Variants in ATP8B3 observed in about 807,000 individuals in gnomAD.
ATP8B3 encodes the protein ATPase phospholipid transporting 8B3.
ATP8B3 carries 141 observed loss-of-function variants against 140.9 expected under a neutral mutation model. That is an observed-to-expected ratio of 1.00 (90% CI 0.87 to 1.15). The LOEUF (loss-of-function observed/expected upper bound fraction) is 1.15, where lower values mean the gene tolerates loss of function less well. Ranked by LOEUF, ATP8B3 falls within the 50% of genes most tolerant of loss-of-function variation. The probability of loss-of-function intolerance (pLI) is 0.00; values close to 1 mark genes in which losing one functional copy is unlikely to be tolerated. For synonymous variants in ATP8B3, 765 were observed against 714.6 expected (o/e 1.07, Z -1.13); for missense variants, 1,874 against 1,740.6 (o/e 1.08, Z -1.36).
rs550600506 is a variant in ATP8B3 at position 1,806,781 on chromosome 19, C to T, written c.616-92G>A. On this transcript the variant is annotated intron_variant, in intron 6 of 28. Coordinates refer to ENST00000310127, the MANE Select transcript of ATP8B3 (RefSeq NM_138813.4). The surrounding 1 kb of genome is among the most constrained non-coding windows in gnomAD (Gnocchi z 5.6). Reference sequence around the variant, plus strand: ...GCACTGCAGCCCAGCAGTGCCCGCCCGCAACACGGGGTCCCTGTCCGCTGG... The same window carrying T: ...GCACTGCAGCCCAGCAGTGCCCGCCTGCAACACGGGGTCCCTGTCCGCTGG... 2.0e-5 allele frequency: 28 copies of T among 1,380,320 alleles called. No individual in the cohort carries two copies. The African/African-American group carries it at 2.3e-4, about 11-fold the overall frequency. 85.5% of individuals were successfully genotyped at this position (1,380,320 alleles called of 1,614,324 possible).
chr19:1,798,958 CAT>C (rs1452746464), intron 14 of ATP8B3: 2 of 151,686 alleles, frequency 1.3e-5, no homozygotes, highest in Admixed American at 1.3e-4. Context: ...GCCTGGGCAA[CAT>C]AGGGATTCCC....
chr19:1,784,760 T>A, intron 28 of ATP8B3, 59 bp downstream of exon 28: 2 of 1,524,540 alleles, frequency 1.3e-6, no homozygotes, highest in Non-Finnish European at 1.8e-6. Flanking sequence ...CCTGCACGGC[T>A]CCCCAACCAG....
chr19:1,810,269 T>C (rs1191587777), intron 3 of ATP8B3, among the ~76,000 whole-genome samples: 1 of 152,176 alleles, frequency 6.6e-6, no homozygotes, highest in Admixed American at 6.5e-5. Flanking sequence ...ACTTTTTTCT[T>C]TTTTTTGAGA....
Position 1,806,257 on chromosome 19 carries a change from C to G in ATP8B3, c.678-88G>C, listed in dbSNP as rs1209690539. 3.3e-6 allele frequency: 5 copies of G among 1,528,122 alleles called. No individual in the cohort carries two copies. The highest frequency in any genetic ancestry group is 1.4e-5 in the African/African-American group (1 of 72,632). The allele number at this position is 1,528,122 out of a possible 1,614,324, so 94.7% of individuals were successfully genotyped here. On this transcript the variant is annotated intron_variant, in intron 7 of 28. Transcript: ENST00000310127. This position sits in a 1 kb window ranked among gnomAD's most constrained non-coding sequence, Gnocchi z 5.6. ...ACCAGAGGCACGGGATGACGGGGGG[C>G]CCGCAGCTGCAGTCCCCACCTCCGG...
intron 28 of ATP8B3, 105 bp from the exon 29 acceptor site, chr19:1,783,375 T>C (rs1013537920): frequency 1.0e-5 from 14 of 1,399,374 alleles, no homozygotes; most frequent in African/African-American, 5.8e-5. Context: ...TTGGCCACTA[T>C]TGATTGGCTA....
At position 1,783,106 on chromosome 19, in the gene ATP8B3, C is replaced by A; in HGVS notation, c.3825G>T (p.Gly1275=). The A allele has an allele frequency of 1.9e-6, 3 of 1,613,396 alleles. No homozygotes were observed. The highest frequency in any genetic ancestry group is 2.5e-6 in the Non-Finnish European group (3 of 1,179,756). The change falls in exon 29 of 29, where the codon GGG becomes GGT. Residue 1275 remains glycine (G), a synonymous_variant. Coordinates refer to ENST00000310127, the MANE Select transcript of ATP8B3 (RefSeq NM_138813.4). ...ATTCAGATGCTATGTCACTGCTGAC[C>A]CCTGGTCCCCTCCGCAGAATTGTGC... ...TQGTILRRGP[G]VSSDIASESL... is the part of the protein sequence containing the mutation.
At position 1,796,697 on chromosome 19, in the gene ATP8B3, G is replaced by T. The variant is rs1568638204; in HGVS notation, c.1753+14C>A. 1.2e-6 allele frequency: 2 copies of T among 1,606,112 alleles called. No individual in the cohort carries two copies. The highest frequency in any genetic ancestry group is 1.7e-6 in the Non-Finnish European group (2 of 1,177,768). ...GCTGAGCGGCCTCAGAGATGGGGAG[G>T]TGGGTGGGCGCACCTGGGCGCTCAC... is the stretch of plus-strand genomic sequence containing the variant. On this transcript the variant is annotated intron_variant, in intron 16 of 28. Coordinates refer to ENST00000310127, the MANE Select transcript of ATP8B3 (RefSeq NM_138813.4).
In ATP8B3 at chr19:1,806,657, G is replaced by T; in HGVS notation, c.648C>A (p.Asn216Lys). The change falls in exon 7 of 29, where the codon AAC (asparagine) becomes AAA (lysine). Residue 216 changes from asparagine (N) to lysine (K), a missense_variant. Asn to Lys is a moderately conservative substitution (Grantham distance 94, BLOSUM62 0). Transcript: ENST00000310127. This position sits in a 1 kb window ranked among gnomAD's most constrained non-coding sequence, Gnocchi z 5.6. ...TCCCCATCAGAATCTGGCAGGGTCTGTTGTTGATGGCTCTGTCACTCTTGT... is the reference window on the plus strand; with the variant it reads ...TCCCCATCAGAATCTGGCAGGGTCTTTTGTTGATGGCTCTGTCACTCTTGT... ...GRHKSDRAIN[N>K]RPCQILMGKS... 6.4e-7 allele frequency: 1 copy of T among 1,565,088 alleles called. No homozygotes were observed. Among genetic ancestry groups the T allele is most frequent in the Non-Finnish European group, 8.7e-7 (1 of 1,155,082 alleles).
chr19:1,811,130 C>A (rs548602469), intron 2 of ATP8B3, among the ~76,000 whole-genome samples: 3 of 152,284 alleles, frequency 2.0e-5, no homozygotes, highest in Admixed American at 2.0e-4. Flanking sequence ...GGGGCTCAGT[C>A]ATCTGTTCAC....
At position 1,799,876 on chromosome 19, in the gene ATP8B3, C is replaced by T. The variant is rs1452480217; in HGVS notation, c.1552+71G>A. 4 of 1,440,016 alleles carry T rather than the reference C, an allele frequency of 2.8e-6. No homozygotes were observed. In the South Asian group the frequency reaches 4.9e-5, roughly 18 times the overall value. 89.2% of individuals were successfully genotyped at this position (1,440,016 alleles called of 1,614,324 possible). A position where few individuals can be genotyped will look rare whatever the true frequency, so the allele number is the denominator to read the frequency against. ...GCTGGGCATGGGGCCAGACGTGGCT[C>T]TGGTTCTCAGGCACCCTGAGCCCCT... On this transcript the variant is annotated intron_variant, in intron 14 of 28. Transcript: ENST00000310127.
In ATP8B3 at chr19:1,807,074, G is replaced by A; in HGVS notation, c.615+94C>T. 2 of 1,162,452 alleles carry A rather than the reference G, an allele frequency of 1.7e-6. No homozygotes were observed. Among genetic ancestry groups the A allele is most frequent in the Non-Finnish European group, 2.5e-6 (2 of 784,494 alleles). The allele number at this position is 1,162,452 out of a possible 1,614,324, so 72.0% of individuals were successfully genotyped here. A position where few individuals can be genotyped will look rare whatever the true frequency, so the allele number is the denominator to read the frequency against. On this transcript the variant is annotated intron_variant, in intron 6 of 28. Transcript: ENST00000310127. This position sits in a 1 kb window ranked among gnomAD's most constrained non-coding sequence, Gnocchi z 5.9. ...CCACGTTCCCCTAATGCTCCAGGAAGCCCAGCCCTCCTCCCACTCTCGCCC... is the reference window on the plus strand; with the variant it reads ...CCACGTTCCCCTAATGCTCCAGGAAACCCAGCCCTCCTCCCACTCTCGCCC...
chr19:1,802,124 CT>C (rs1175883027), intron 11 of ATP8B3, 80 bp from the exon 12 acceptor site: 5 of 965,930 alleles, frequency 5.2e-6, no homozygotes, highest in African/African-American at 2.1e-5. Context: ...CATCCACCCA[CT>C]CCCCCACTCA....
chr19:1,801,733 A>G (rs2068850839), intron 12 of ATP8B3, among the ~76,000 whole-genome samples: 1 of 152,142 alleles, frequency 6.6e-6, no homozygotes, highest in South Asian at 2.1e-4. Context: ...GCCTGGTGAC[A>G]GAGTGAGACT....
intron 20 of ATP8B3, 30 bp from the exon 21 acceptor site, chr19:1,790,862 C>T (rs371170464): frequency 7.7e-5 from 120 of 1,561,580 alleles, no homozygotes; most frequent in Non-Finnish European, 1.0e-4. Context: ...AGCGCCTCTG[C>T]GACCCGCCCC....
At chr19:1,798,459 C>T (rs2068746140) in intron 14 of ATP8B3, among the ~76,000 whole-genome samples, 2 of 152,042 alleles carry the variant, frequency 1.3e-5, no homozygotes, top group Admixed American at 1.3e-4. Context: ...TGTTTTGTGG[C>T]CGGGCGCGGT....
At chr19:1,803,898 A>AAC in intron 10 of ATP8B3, among the ~76,000 whole-genome samples, 1 of 78,130 alleles carries the variant, frequency 1.3e-5, no homozygotes, top group African/African-American at 6.3e-5. Context: ...CTCTGTCTCA[A>AAC]AAAAAAAAAA....
chr19:1,802,520 T>C lies in ATP8B3; in HGVS notation c.1030A>G (p.Thr344Ala). ...ATGACCAGTCCATAGCAGGTGTCTG[T>C]GTTGCGAATCCTGCAGCCTCGGAGG... ...LLLRGCRIRN[T>A]DTCYGLVIYA... Residue 344 changes from threonine (T) to alanine (A), a missense_variant, in exon 11 of 29, where the codon ACA (threonine) becomes GCA (alanine). Around this residue, in one of 3 missense-constraint regions of ATP8B3, gnomAD observed 1,032 missense variants for 963.6 expected, o/e 1.07. Coordinates refer to ENST00000310127, the MANE Select transcript of ATP8B3 (RefSeq NM_138813.4). 1.3e-6 allele frequency: 2 copies of C among 1,593,500 alleles called. No homozygotes were observed. Among genetic ancestry groups the C allele is most frequent in the Non-Finnish European group, 1.7e-6 (2 of 1,171,756 alleles).
At position 1,807,478 on chromosome 19, in the gene ATP8B3, C is replaced by T. The variant is rs2069062314; in HGVS notation, c.517-212G>A. On this transcript the variant is annotated intron_variant, in intron 5 of 28. Transcript: ENST00000310127. The surrounding 1 kb of genome is among the most constrained non-coding windows in gnomAD (Gnocchi z 5.9). ...CTGGAACTTCTCCCACACGCCTCGT[C>T]TCCCCAGCAAACTCCCCTTCTCCCG... Among the ~76,000 whole-genome samples the T allele has an allele frequency of 1.3e-5, 2 of 152,152 alleles. No individual in the cohort carries two copies. The highest frequency in any genetic ancestry group is 4.8e-5 in the African/African-American group (2 of 41,430).
At chr19:1,798,433 A>G (rs911415075) in intron 14 of ATP8B3, among the ~76,000 whole-genome samples, 1 of 152,064 alleles carries the variant, frequency 6.6e-6, no homozygotes. Context: ...AAAAATGACT[A>G]GAATAATACT....
Sources: allele counts gnomAD v4.1 joint callset (sites outside exome capture counted in the v4.1 genomes callset), GRCh38; gene constraint gnomAD v4.1.1; regional missense constraint gnomAD v4.1.1; non-coding constraint Gnocchi (gnomAD v3.1); transcripts MANE v1.5; gene names NCBI Gene and HGNC (gene_info 2026-07-23, HGNC 2026-07-21).